The following FAM120B variants were observed in gnomAD, a reference collection of about 807,000 sequenced individuals.
FAM120B encodes family with sequence similarity 120 member B.
FAM120B carries 83 observed loss-of-function variants against 96.3 expected under a neutral mutation model. That is an observed-to-expected ratio of 0.86 (90% CI 0.72 to 1.03). The LOEUF (loss-of-function observed/expected upper bound fraction) is 1.03. Ranked by LOEUF, FAM120B falls within the 50% of genes least tolerant of loss-of-function variation. The probability of loss-of-function intolerance (pLI) is 0.00; values close to 1 mark genes in which losing one functional copy is unlikely to be tolerated. For synonymous variants in FAM120B, 407 were observed against 402.7 expected, an observed-to-expected ratio of 1.01 and a Z score of -0.13; for missense variants, 1,027 against 1,121.2, an observed-to-expected ratio of 0.92 and a Z score of 1.20.
intron 2 of FAM120B, among the ~76,000 whole-genome samples, chr6:170,320,670 CG>C (rs1190751739): frequency 6.6e-6 from 1 of 152,092 alleles, no homozygotes; most frequent in African/African-American, 2.4e-5. Flanking sequence ...CACATGTTCT[CG>C]TAGTGAAATA....
chr6:170,358,246 G>T lies in FAM120B; in HGVS notation c.2211G>T (p.Glu737Asp). ...LFVQVDTLCL[E>D]DLHAFIAQAL... ...TTCAGGTGGACACGCTTTGCCTGGA[G>T]GATTTGCATGCGTTTATTGCGCAGG... is the stretch of plus-strand genomic sequence containing the variant. Residue 737 changes from glutamate to aspartate, a missense_variant, in exon 6 of 11, where the codon GAG becomes GAT. This residue lies in a region of FAM120B where 880 missense variants were observed against 980.9 expected (regional missense o/e 0.90). Coordinates refer to ENST00000476287, the MANE Select transcript of FAM120B (RefSeq NM_032448.3). The T allele has an allele frequency of 6.2e-7, 1 of 1,604,952 alleles. No homozygotes were observed.
intron 6 of FAM120B, among the ~76,000 whole-genome samples, chr6:170,369,142 GAAATGAACAAAGCAAAAGAAAGC>G (rs1187937091): frequency 2.0e-5 from 3 of 149,728 alleles, no homozygotes; most frequent in East Asian, 2.4e-4. Flanking sequence ...AGATAAGATA[GAAATGAACAAAGCAAAAGAAAGC>G]AAATGAACAA....
At chr6:170,386,740 A>G (rs1790208791) in intron 6 of FAM120B, among the ~76,000 whole-genome samples, 1 of 152,220 alleles carries the variant, frequency 6.6e-6, no homozygotes, top group Non-Finnish European at 1.5e-5. Context: ...AGGCTTTCCA[A>G]CTGTTTCTCT....
chr6:170,292,712 G>C (rs1397156925), upstream of FAM120B, among the ~76,000 whole-genome samples: 1 of 152,246 alleles, frequency 6.6e-6, no homozygotes, highest in Non-Finnish European at 1.5e-5. This position sits in a 1 kb window ranked among gnomAD's most constrained non-coding sequence, Gnocchi z 6.6. Flanking sequence ...AGGCCCTCCG[G>C]CTGCTACGCA....
chr6:170,369,622 T>C (rs1789045363), intron 6 of FAM120B, among the ~76,000 whole-genome samples: 2 of 151,258 alleles, frequency 1.3e-5, no homozygotes, highest in East Asian at 3.9e-4. Context: ...GCCCCGGGGC[T>C]GAACCCGCCA....
intron 5 of FAM120B, 97 bp downstream of exon 5, chr6:170,348,420 T>G: frequency 1.8e-6 from 2 of 1,118,674 alleles, no homozygotes; most frequent in Non-Finnish European, 2.6e-6. Flanking sequence ...CCGGATTGTC[T>G]TTTTCCAATG....
At chr6:170,310,464 G>A (rs1480304955) in intron 1 of FAM120B, among the ~76,000 whole-genome samples, 2 of 152,208 alleles carry the variant, frequency 1.3e-5, no homozygotes, top group Admixed American at 6.5e-5. Context: ...CTAATCTACA[G>A]CAGTGCTAAG....
intron 7 of FAM120B, among the ~76,000 whole-genome samples, chr6:170,389,333 G>T (rs1270228140): frequency 6.6e-6 from 1 of 152,142 alleles, no homozygotes; most frequent in Non-Finnish European, 1.5e-5. Context: ...ATGAGACCAG[G>T]TGTGGAATTT....
At chr6:170,324,401 C>T (rs1264141685) in intron 3 of FAM120B, among the ~76,000 whole-genome samples, 1 of 152,138 alleles carries the variant, frequency 6.6e-6, no homozygotes, top group African/African-American at 2.4e-5. Context: ...AATAAAGAAC[C>T]TGTGTAATAA....
At chr6:170,390,883 C>T (rs1339747896) in intron 7 of FAM120B, 130 bp from the exon 8 acceptor site, 1 of 717,756 alleles carries the variant, frequency 1.4e-6, no homozygotes, top group Non-Finnish European at 2.5e-6. Context: ...GAGGAGGGTG[C>T]AGCCACCATT....
chr6:170,396,535 T>C (rs1308405835), intron 9 of FAM120B, among the ~76,000 whole-genome samples: 4 of 152,232 alleles, frequency 2.6e-5, no homozygotes, highest in African/African-American at 9.6e-5. Flanking sequence ...TAGATTTACA[T>C]TTGCTTGAGA....
At chr6:170,329,531 AG>A (rs1186106724) in intron 3 of FAM120B, among the ~76,000 whole-genome samples, 1 of 151,904 alleles carries the variant, frequency 6.6e-6, no homozygotes, top group Non-Finnish European at 1.5e-5. Context: ...GTGGCATCAC[AG>A]GTGCTGATAA....
At position 170,370,404 on chromosome 6, in the gene FAM120B, G is replaced by GT. The variant is rs1340549665; in HGVS notation, c.2283+12087dup. 1.3e-5 allele frequency among the ~76,000 whole-genome samples: 2 copies of GT among 152,204 alleles called. No individual in the cohort carries two copies. The highest frequency in any genetic ancestry group is 6.5e-5 in the Admixed American group (1 of 15,290). ...GGGTCCATCACCCTTCCTCTGGGGGGTGAGGCAGAGGACCCTGTTTCTGTA... is the reference window on the plus strand; with the variant it reads ...GGGTCCATCACCCTTCCTCTGGGGGGTTGAGGCAGAGGACCCTGTTTCTGTA... On this transcript the variant is annotated intron_variant, in intron 6 of 10. Transcript: ENST00000476287. This position sits in a 1 kb window ranked among gnomAD's most constrained non-coding sequence, Gnocchi z 4.3.
At chr6:170,382,676 C>T (rs369907053) in intron 6 of FAM120B, among the ~76,000 whole-genome samples, 5 of 152,146 alleles carry the variant, frequency 3.3e-5, no homozygotes, top group African/African-American at 1.2e-4. Flanking sequence ...AGACACATAC[C>T]GTGTTCATGT....
intron 6 of FAM120B, among the ~76,000 whole-genome samples, chr6:170,371,442 C>A (rs993309837): frequency 7.9e-5 from 12 of 152,130 alleles, no homozygotes; most frequent in Non-Finnish European, 1.0e-4. Flanking sequence ...ACCTGCTTAG[C>A]AATTTCCTTA....
rs374637654 is a variant in FAM120B, at chr6:170,317,998, C to A, written c.608C>A (p.Thr203Asn). The A allele has an allele frequency of 6.2e-7, 1 of 1,613,692 alleles. No homozygotes were observed. The highest frequency in any genetic ancestry group is 1.1e-5 in the South Asian group (1 of 91,040). The change falls in exon 2 of 11, where the codon ACC becomes AAC. Residue 203 changes from threonine (T) to asparagine (N), a missense_variant. Around this residue, in one of 3 missense-constraint regions of FAM120B, gnomAD observed 880 missense variants for 980.9 expected, o/e 0.90. Transcript: ENST00000476287. ...GAGCTCTGCCTAGAGAGCCTGGACA[C>A]CGTCATGCTCTGCAGAGAGAAGCTC... ...ISELCLESLD[T>N]VMLCREKLCE...
chr6:170,376,704 G>C (rs1418989655), intron 6 of FAM120B, among the ~76,000 whole-genome samples: 1 of 152,224 alleles, frequency 6.6e-6, no homozygotes, highest in Non-Finnish European at 1.5e-5. Flanking sequence ...GGTGAGGCAG[G>C]AGAGACAGTG....
intron 6 of FAM120B, among the ~76,000 whole-genome samples, chr6:170,361,233 T>TATATATATATATATATATATATACAC (rs1554286467): frequency 8.3e-6 from 1 of 120,158 alleles, no homozygotes; most frequent in African/African-American, 3.1e-5. Context: ...TATATATATA[T>TATATATATATATATATATATATACAC]ATACACGTAT....
intron 6 of FAM120B, among the ~76,000 whole-genome samples, chr6:170,378,033 G>A (rs1345782623): frequency 6.6e-6 from 1 of 152,208 alleles, no homozygotes; most frequent in East Asian, 1.9e-4. Flanking sequence ...GCCCTTTCAA[G>A]CTATGACCTT....
Sources: allele counts gnomAD v4.1 joint callset (sites outside exome capture counted in the v4.1 genomes callset), GRCh38; gene constraint gnomAD v4.1.1; regional missense constraint gnomAD v4.1.1; non-coding constraint Gnocchi (gnomAD v3.1); transcripts MANE v1.5; gene names NCBI Gene and HGNC (gene_info 2026-07-23, HGNC 2026-07-21).